CEP126: variants seen among roughly 807,000 people sequenced by gnomAD.
CEP126 encodes centrosomal protein 126.
Under a neutral mutation model 107.8 loss-of-function variants are expected in CEP126, and 74 were observed. The ratio of observed to expected loss-of-function variants is 0.69; its 90% CI spans 0.57 to 0.83. The LOEUF is 0.83. Among genes scored for constraint, CEP126 ranks in the 40% least tolerant of loss-of-function variants. The pLI is 0.00. For synonymous variants in CEP126, 449 were observed against 446.0 expected (o/e 1.01, Z -0.08); for missense variants, 1,237 against 1,281.9 (o/e 0.96, Z 0.53).
rs747642967 is a variant in CEP126 at position 101,921,777 on chromosome 11, CTTTTTTTTTTTTTTT to C, written c.129-853_129-839del. Among the ~76,000 whole-genome samples the C allele has an allele frequency of 5.5e-5, 3 of 55,016 alleles. 1 individual carries two copies. In the Admixed American group the frequency reaches 9.1e-4, roughly 17 times the overall value. The allele number at this position is 55,016 out of a possible 152,430, so 36.1% of individuals were successfully genotyped here. On this transcript the variant is annotated intron_variant, in intron 1 of 10. Transcript: ENST00000263468. ...CCTCTTTATCTGAAGTTCATGATTT[CTTTTTTTTTTTTTTT>C]TTTTTTTTTTGAGATGGAGTTTCGC...
intron 2 of CEP126, among the ~76,000 whole-genome samples, chr11:101,942,089 T>C (rs1940673046): frequency 1.3e-5 from 2 of 152,130 alleles, no homozygotes; most frequent in Admixed American, 1.3e-4. Context: ...TGTGGCCTTT[T>C]TACTGTGTTG....
At chr11:101,970,531 A>G (rs1036627339) in intron 6 of CEP126, among the ~76,000 whole-genome samples, 5 of 151,368 alleles carry the variant, frequency 3.3e-5, no homozygotes, top group African/African-American at 1.2e-4. Flanking sequence ...GCACTTTTCT[A>G]TACATAGATT....
At chr11:101,964,906 A>T (rs1394958771) in intron 6 of CEP126, among the ~76,000 whole-genome samples, 1 of 152,188 alleles carries the variant, frequency 6.6e-6, no homozygotes, top group Non-Finnish European at 1.5e-5. Context: ...GAATACATGT[A>T]GTTATATTTA....
chr11:101,915,426 C>T lies in CEP126; in HGVS notation c.128+14C>T, dbSNP rs759863209. 47 of 1,597,904 alleles carry T rather than the reference C, an allele frequency of 2.9e-5. No homozygotes were observed. Among genetic ancestry groups the T allele is most frequent in the Middle Eastern group, 1.7e-4 (1 of 6,026 alleles). The stretch of plus-strand genomic sequence containing the variant: ...TGGCTCTTACCTGTATCCTTCCCAG[C>T]CTGTGGCTGCCAGGGTAGCGATGTT... On this transcript the variant is annotated intron_variant, in intron 1 of 10. Coordinates refer to ENST00000263468, the MANE Select transcript of CEP126 (RefSeq NM_020802.4).
intron 3 of CEP126, among the ~76,000 whole-genome samples, chr11:101,946,164 T>A (rs533941408): frequency 6.6e-6 from 1 of 151,610 alleles, no homozygotes; most frequent in Admixed American, 6.6e-5. Flanking sequence ...CGAGATGGAG[T>A]CTTGCTCTTC....
At chr11:101,930,159 G>T (rs1000972715) in intron 2 of CEP126, among the ~76,000 whole-genome samples, 1 of 147,984 alleles carries the variant, frequency 6.8e-6, no homozygotes, top group Non-Finnish European at 1.5e-5. Flanking sequence ...CTTCTTATGG[G>T]TGTGTGTTGG....
At chr11:101,993,182 T>C (rs1485490379) in intron 10 of CEP126, among the ~76,000 whole-genome samples, 1 of 152,096 alleles carries the variant, frequency 6.6e-6, no homozygotes, top group African/African-American at 2.4e-5. Context: ...ACCTGATAGG[T>C]AGTTTTTCAA....
intron 7 of CEP126, among the ~76,000 whole-genome samples, chr11:101,981,330 G>A (rs1941251929): frequency 6.6e-6 from 1 of 152,034 alleles, no homozygotes; most frequent in African/African-American, 2.4e-5. Context: ...GTCTCGCTCT[G>A]TCACCCAGGC....
At chr11:101,948,188 TA>T in intron 4 of CEP126, 46 bp downstream of exon 4, 4 of 1,192,278 alleles carry the variant, frequency 3.4e-6, no homozygotes, top group South Asian at 1.4e-5. Flanking sequence ...AATAATTGTA[TA>T]ACCATCTAGT....
At position 101,962,299 on chromosome 11, in the gene CEP126, AG is replaced by A; in HGVS notation, c.1265del (p.Ser422ThrfsTer6). On this transcript the variant is annotated frameshift_variant, in exon 6 of 11. Transcript: ENST00000263468. LOFTEE classifies it high-confidence loss of function. ...AACATTTAAATTTAGCAAATCCCAAAGCACTTCAGATTCTCTAACCCAGGAA... is the reference window on the plus strand; with the variant it reads ...AACATTTAAATTTAGCAAATCCCAAACACTTCAGATTCTCTAACCCAGGAA... ...SPTFKFSKSQ[S>X]TSDSLTQEVA... is the part of the protein sequence containing the mutation. 1 of 1,613,640 alleles carries A rather than the reference AG, an allele frequency of 6.2e-7. No individual in the cohort carries two copies. The highest frequency in any genetic ancestry group is 8.5e-7 in the Non-Finnish European group (1 of 1,179,800).
At chr11:101,940,125 A>G (rs1232537512) in intron 2 of CEP126, among the ~76,000 whole-genome samples, 1 of 152,234 alleles carries the variant, frequency 6.6e-6, no homozygotes. Context: ...GTTTAAAAAA[A>G]TGTCATAGGT....
rs61745759 is a variant in CEP126, at chr11:101,962,149, T to C, written c.1114T>C (p.Ser372Pro). ...NTANNSVPFVSSPPMFVLDKK... is the reference protein window; with the variant it reads ...NTANNSVPFVPSPPMFVLDKK... ...TGCTAATAATTCAGTACCCTTTGTA[T>C]CTAGCCCACCCATGTTTGTACTAGA... is the stretch of plus-strand genomic sequence containing the variant. Residue 372 changes from serine to proline, a missense_variant, in exon 6 of 11, where the codon TCT (serine) becomes CCT (proline). Coordinates refer to ENST00000263468, the MANE Select transcript of CEP126 (RefSeq NM_020802.4). The C allele has an allele frequency of 3.9e-3, 6,280 of 1,613,216 alleles. 211 individuals carry two copies. The African/African-American group carries it at 0.073, about 19-fold the overall frequency.
chr11:101,981,604 T>G (rs1485528688), intron 7 of CEP126, among the ~76,000 whole-genome samples: 1 of 152,104 alleles, frequency 6.6e-6, no homozygotes, highest in Non-Finnish European at 1.5e-5. Flanking sequence ...ATTAGCACTT[T>G]TGATTACCAT....
Position 101,962,619 on chromosome 11 carries a change from T to C in CEP126, c.1584T>C (p.Pro528=). 2 of 1,613,402 alleles carry C rather than the reference T, an allele frequency of 1.2e-6. No individual in the cohort carries two copies. The highest frequency in any genetic ancestry group is 1.7e-6 in the Non-Finnish European group (2 of 1,179,818). The change falls in exon 6 of 11, where the codon CCT becomes CCC. Residue 528 remains proline (P), a synonymous_variant. Transcript: ENST00000263468. ...ACAGTTTTCAAGATGCCTATATACC[T>C]CACAATCCTGATTCAAAAGATGAAA... The part of the protein sequence containing the change: ...FSDSFQDAYI[P]HNPDSKDEKQ...
rs750647848 is a variant in CEP126, at chr11:101,962,923, C to T, written c.1888C>T (p.Leu630=). 20 of 1,609,782 alleles carry T rather than the reference C, an allele frequency of 1.2e-5. No individual in the cohort carries two copies. Among genetic ancestry groups the T allele is most frequent in the Non-Finnish European group, 1.6e-5 (19 of 1,178,904 alleles). Residue 630 remains leucine (L), a synonymous_variant, in exon 6 of 11, where the codon CTG becomes TTG. Transcript: ENST00000263468. Reference sequence around the variant, plus strand: ...AGAAATTCCAAAGACCATTAAAAAACTGAGGTGGTTTGATGAAACTAGCAA... The same window carrying T: ...AGAAATTCCAAAGACCATTAAAAAATTGAGGTGGTTTGATGAAACTAGCAA... ...GAEIPKTIKK[L]RWFDETSNIE... is the part of the protein sequence containing the mutation.
intron 2 of CEP126, among the ~76,000 whole-genome samples, chr11:101,941,454 G>A (rs1336741855): frequency 6.6e-6 from 1 of 152,132 alleles, no homozygotes; most frequent in Non-Finnish European, 1.5e-5. Context: ...GTTCATTTAT[G>A]TGTAGCACAT....
In CEP126 at chr11:101,998,833, T is replaced by G. The variant is rs563350995; in HGVS notation, c.*1190T>G. On this transcript the variant is annotated 3_prime_UTR_variant, in exon 11 of 11. Coordinates refer to ENST00000263468, the MANE Select transcript of CEP126 (RefSeq NM_020802.4). ...ACCATGGGTATTTTTGTCTCCACTT[T>G]AGAGATGAGAAACTGAGCCAAGGCC... 6.6e-6 allele frequency: 1 copy of G among 152,196 alleles called. No individual in the cohort carries two copies. The highest frequency in any genetic ancestry group is 2.1e-4 in the South Asian group (1 of 4,810). 9.4% of individuals were successfully genotyped at this position (152,196 alleles called of 1,614,324 possible). A position where few individuals can be genotyped will look rare whatever the true frequency, so the allele number is the denominator to read the frequency against.
chr11:101,963,629 G>A lies in CEP126; in HGVS notation c.2594G>A (p.Cys865Tyr). Residue 865 changes from cysteine (C) to tyrosine (Y), a missense_variant, in exon 6 of 11, where the codon TGT (cysteine) becomes TAT (tyrosine). Cys to Tyr is a radical substitution (Grantham distance 194). Transcript: ENST00000263468. ...AGTAGTTCTCCACTCTCAAATGCTTGTTCTGACCTAGTCACTGTGATACCA... is the reference window on the plus strand; with the variant it reads ...AGTAGTTCTCCACTCTCAAATGCTTATTCTGACCTAGTCACTGTGATACCA... ...QESSSPLSNA[C>Y]SDLVTVIPSL... 6.2e-7 allele frequency: 1 copy of A among 1,614,126 alleles called. No homozygotes were observed. The highest frequency in any genetic ancestry group is 8.5e-7 in the Non-Finnish European group (1 of 1,180,004).
intron 10 of CEP126, among the ~76,000 whole-genome samples, chr11:101,993,523 C>T (rs919550775): frequency 6.6e-6 from 1 of 152,146 alleles, no homozygotes; most frequent in East Asian, 1.9e-4. Flanking sequence ...CATACCCCTG[C>T]ATGTCTTTAT....
Sources: allele counts gnomAD v4.1 joint callset (sites outside exome capture counted in the v4.1 genomes callset), GRCh38; gene constraint gnomAD v4.1.1; transcripts MANE v1.5; gene names NCBI Gene and HGNC (gene_info 2026-07-23, HGNC 2026-07-21).